The following NEGR1 variants were observed in gnomAD, a reference collection of about 807,000 sequenced individuals.
NEGR1 encodes IgLON family member 4.
A neutral mutation model predicts 40.9 loss-of-function variants in NEGR1; 10 were observed. The ratio of observed to expected loss-of-function variants is 0.24; its 90% confidence interval spans 0.15 to 0.42. NEGR1 has a LOEUF of 0.42. NEGR1 is among the 10% of genes least tolerant of loss of function. NEGR1 has a pLI of 1.00. For synonymous variants in NEGR1, 185 were observed against 166.8 expected (o/e 1.11, Z -0.84); for missense variants, 352 against 438.9 (o/e 0.80, Z 1.77).
intron 1 of NEGR1, among the ~76,000 whole-genome samples, chr1:72,224,804 A>G (rs1182461125): frequency 7.9e-5 from 12 of 152,040 alleles, no homozygotes; most frequent in Non-Finnish European, 1.6e-4. Flanking sequence ...TGCCTGATCT[A>G]TAGTCAGTTT....
At chr1:71,572,809 C>A (rs1275403468) in intron 6 of NEGR1, among the ~76,000 whole-genome samples, 1 of 152,184 alleles carries the variant, frequency 6.6e-6, no homozygotes, top group African/African-American at 2.4e-5. Context: ...ATAAACATAG[C>A]ACCTCGGCTT....
Position 71,421,697 on chromosome 1 carries a change from T to G in NEGR1, c.941-14127A>C, listed in dbSNP as rs573162600. Among the ~76,000 whole-genome samples the G allele has an allele frequency of 7.0e-4, 107 of 152,262 alleles. No individual in the cohort carries two copies. The South Asian group carries it at 0.017, about 24-fold the overall frequency. On this transcript the variant is annotated intron_variant, in intron 6 of 6. Transcript: ENST00000357731. ...AAAAAAAATTCTAAAATTCTGTGTTTGTTTACATGTAAGACTTAAAGAAAG... is the reference window on the plus strand; with the variant it reads ...AAAAAAAATTCTAAAATTCTGTGTTGGTTTACATGTAAGACTTAAAGAAAG...
chr1:72,032,132 T>C (rs1646863732), intron 1 of NEGR1, among the ~76,000 whole-genome samples: 1 of 152,212 alleles, frequency 6.6e-6, no homozygotes, highest in African/African-American at 2.4e-5. Flanking sequence ...ATTCTGCATA[T>C]GGAAGATGAC....
chr1:71,686,340 AT>A (rs1359172561), intron 4 of NEGR1, among the ~76,000 whole-genome samples: 1 of 152,102 alleles, frequency 6.6e-6, no homozygotes, highest in Non-Finnish European at 1.5e-5. Context: ...GCCCATAATA[AT>A]TTAGTTCAGT....
intron 2 of NEGR1, among the ~76,000 whole-genome samples, chr1:71,930,659 G>A (rs1645846980): frequency 6.6e-6 from 1 of 152,158 alleles, no homozygotes; most frequent in African/African-American, 2.4e-5. Context: ...GACTAAGCAA[G>A]AGATATGGAT....
At chr1:71,855,069 A>G (rs1371688023) in intron 2 of NEGR1, among the ~76,000 whole-genome samples, 5 of 152,070 alleles carry the variant, frequency 3.3e-5, no homozygotes, top group Non-Finnish European at 5.9e-5. Context: ...TGAATTTAAG[A>G]TCCTCTACAC....
At chr1:71,926,907 A>G (rs938974605) in intron 2 of NEGR1, among the ~76,000 whole-genome samples, 1 of 152,096 alleles carries the variant, frequency 6.6e-6, no homozygotes, top group Admixed American at 6.6e-5. Context: ...TTGGAAGTAA[A>G]ATACTATTTA....
chr1:71,626,461 G>A (rs1650783115), intron 4 of NEGR1, among the ~76,000 whole-genome samples: 1 of 149,728 alleles, frequency 6.7e-6, no homozygotes, highest in African/African-American at 2.5e-5. Context: ...GACATGCAGT[G>A]TTTGGTTTTT....
At chr1:71,576,257 T>A (rs1232363693) in intron 6 of NEGR1, among the ~76,000 whole-genome samples, 1 of 152,224 alleles carries the variant, frequency 6.6e-6, no homozygotes, top group African/African-American at 2.4e-5. Context: ...TGTTTTGGGT[T>A]TTTTTTGTTG....
intron 1 of NEGR1, among the ~76,000 whole-genome samples, chr1:72,238,753 T>G (rs1442426240): frequency 6.6e-6 from 1 of 151,858 alleles, no homozygotes; most frequent in African/African-American, 2.4e-5. Context: ...CTCCCACTCT[T>G]CCTAAAAAGC....
At chr1:71,736,472 A>C (rs1655044969) in intron 3 of NEGR1, among the ~76,000 whole-genome samples, 1 of 152,202 alleles carries the variant, frequency 6.6e-6, no homozygotes, top group African/African-American at 2.4e-5. Flanking sequence ...AAGTTCGAGC[A>C]GCAATCATAG....
chr1:72,027,605 T>C (rs1646823297), intron 1 of NEGR1, among the ~76,000 whole-genome samples: 1 of 152,138 alleles, frequency 6.6e-6, no homozygotes, highest in Admixed American at 6.5e-5. Context: ...ATTTGCAACT[T>C]TTTATTAGTC....
intron 2 of NEGR1, among the ~76,000 whole-genome samples, chr1:71,886,470 A>C (rs532525212): frequency 4.6e-5 from 7 of 151,530 alleles, no homozygotes; most frequent in Non-Finnish European, 2.9e-5. Flanking sequence ...AAAAAAAAAA[A>C]CAAAGGAAGG....
At chr1:71,584,383 C>T (rs1406398050) in intron 6 of NEGR1, among the ~76,000 whole-genome samples, 2 of 152,126 alleles carry the variant, frequency 1.3e-5, no homozygotes, top group African/African-American at 4.8e-5. Flanking sequence ...AAAAAAGAGC[C>T]AATTTCAATT....
At chr1:71,985,118 C>T (rs1310376896) in intron 1 of NEGR1, among the ~76,000 whole-genome samples, 1 of 152,162 alleles carries the variant, frequency 6.6e-6, no homozygotes, top group Non-Finnish European at 1.5e-5. Flanking sequence ...TTATCCTCTA[C>T]ATCACACTAC....
intron 6 of NEGR1, among the ~76,000 whole-genome samples, chr1:71,429,627 C>T (rs993058400): frequency 2.0e-5 from 3 of 152,146 alleles, no homozygotes; most frequent in Non-Finnish European, 2.9e-5. Flanking sequence ...CCATCCATAC[C>T]TCATTGTTCT....
intron 2 of NEGR1, among the ~76,000 whole-genome samples, chr1:71,925,768 T>A (rs931824201): frequency 6.6e-6 from 1 of 152,070 alleles, no homozygotes; most frequent in Non-Finnish European, 1.5e-5. Context: ...TCAAATCCCA[T>A]TAAAACGACT....
intron 1 of NEGR1, among the ~76,000 whole-genome samples, chr1:72,038,184 T>C (rs1031243118): frequency 1.3e-5 from 2 of 152,100 alleles, no homozygotes; most frequent in South Asian, 2.1e-4. Context: ...TAAATAAGTC[T>C]GTTATATCCA....
chr1:72,194,558 G>T (rs188898249), intron 1 of NEGR1, among the ~76,000 whole-genome samples: 2 of 152,046 alleles, frequency 1.3e-5, no homozygotes, highest in Admixed American at 1.3e-4. Flanking sequence ...CCTTCTGGGG[G>T]ATAGTAAAAA....
Sources: allele counts gnomAD v4.1 joint callset (sites outside exome capture counted in the v4.1 genomes callset), GRCh38; gene constraint gnomAD v4.1.1; transcripts MANE v1.5; gene names NCBI Gene and HGNC (gene_info 2026-07-23, HGNC 2026-07-21).